Variants in ZNRF2 observed in about 807,000 individuals in gnomAD.
ZNRF2 encodes the protein E3 ubiquitin-protein ligase ZNRF2.
Under a neutral mutation model 20.4 loss-of-function variants are expected in ZNRF2, and 16 were observed. That is an observed-to-expected ratio of 0.79 (90% CI 0.53 to 1.19). The LOEUF (loss-of-function observed/expected upper bound fraction) is 1.19. Among genes scored for constraint, ZNRF2 ranks in the 50% most tolerant of loss-of-function variants. The pLI, the probability that ZNRF2 is intolerant of heterozygous loss-of-function variation, is 0.00. For missense variants in ZNRF2, 363 were observed against 332.4 expected, an observed-to-expected ratio of 1.09 and a Z score of -0.72; for synonymous variants, 178 against 144.9, an observed-to-expected ratio of 1.23 and a Z score of -1.64.
chr7:30,307,165 A>C (rs1039186281), intron 1 of ZNRF2, among the ~76,000 whole-genome samples: 1 of 151,486 alleles, frequency 6.6e-6, no homozygotes, highest in African/African-American at 2.4e-5. Flanking sequence ...CCAGGTTTTC[A>C]TTGTTGCCTT....
At chr7:30,330,157 TA>T (rs1270044086) in intron 2 of ZNRF2, among the ~76,000 whole-genome samples, 1 of 152,220 alleles carries the variant, frequency 6.6e-6, no homozygotes, top group African/African-American at 2.4e-5. Context: ...AAGATTTATT[TA>T]TATTTAAGGA....
chr7:30,329,901 G>C (rs1799610705), intron 2 of ZNRF2, among the ~76,000 whole-genome samples: 1 of 152,150 alleles, frequency 6.6e-6, no homozygotes, highest in Non-Finnish European at 1.5e-5. Context: ...CATAATGGCT[G>C]TACTAATTTA....
intron 2 of ZNRF2, among the ~76,000 whole-genome samples, chr7:30,332,042 T>C (rs1014153369): frequency 1.3e-5 from 2 of 152,184 alleles, no homozygotes; most frequent in Non-Finnish European, 2.9e-5. Context: ...TGCCCAAAAG[T>C]AGCACCAATT....
chr7:30,287,144 A>C (rs1798806753), intron 1 of ZNRF2, among the ~76,000 whole-genome samples: 1 of 152,210 alleles, frequency 6.6e-6, no homozygotes, highest in Admixed American at 6.5e-5. Flanking sequence ...GGCTATTTTT[A>C]AAAGTCATTT....
chr7:30,360,724 A>G (rs770148323), intron 3 of ZNRF2, among the ~76,000 whole-genome samples: 3 of 152,186 alleles, frequency 2.0e-5, no homozygotes, highest in Non-Finnish European at 4.4e-5. Context: ...TGTAAAAGCA[A>G]GAGACTTACT....
chr7:30,357,413 A>G (rs933401243), intron 3 of ZNRF2, among the ~76,000 whole-genome samples: 4 of 152,216 alleles, frequency 2.6e-5, no homozygotes, highest in African/African-American at 9.6e-5. Context: ...CATGGAATGA[A>G]GGAAATACTC....
chr7:30,339,901 G>A (rs1157059608), intron 2 of ZNRF2, among the ~76,000 whole-genome samples: 1 of 152,158 alleles, frequency 6.6e-6, no homozygotes, highest in Non-Finnish European at 1.5e-5. Context: ...ATTGAGCATG[G>A]AATGTTTTTC....
chr7:30,355,344 T>C (rs1300191950), intron 2 of ZNRF2, among the ~76,000 whole-genome samples: 1 of 152,104 alleles, frequency 6.6e-6, no homozygotes, highest in African/African-American at 2.4e-5. Flanking sequence ...TTTTCATGTC[T>C]TTTTAGCCAC....
At chr7:30,362,216 A>G (rs1449443910) in intron 3 of ZNRF2, among the ~76,000 whole-genome samples, 161 bp from the exon 4 acceptor site, 1 of 152,230 alleles carries the variant, frequency 6.6e-6, no homozygotes, top group Non-Finnish European at 1.5e-5. Context: ...ATCAAAATAT[A>G]ATAAACATTC....
Position 30,355,843 on chromosome 7 carries a change from C to A in ZNRF2, c.671+10C>A. The A allele has an allele frequency of 6.3e-7, 1 of 1,593,594 alleles. No individual in the cohort carries two copies. Among genetic ancestry groups the A allele is most frequent in the Non-Finnish European group, 8.6e-7 (1 of 1,162,906 alleles). ...GCATATATCATAAAGGGTAAGTTCA[C>A]CAAGTTGGTATTAGAGTAAAAGATT... On this transcript the variant is annotated intron_variant, in intron 3 of 4. Transcript: ENST00000323037.
intron 2 of ZNRF2, among the ~76,000 whole-genome samples, chr7:30,338,451 G>A (rs1194887509): frequency 5.2e-5 from 1 of 19,048 alleles, no homozygotes; most frequent in Non-Finnish European, 9.6e-5. Context: ...ACAGGCCCCA[G>A]TGTGTGATAT....
intron 1 of ZNRF2, among the ~76,000 whole-genome samples, chr7:30,292,626 G>A (rs1798931580): frequency 6.6e-6 from 1 of 152,016 alleles, no homozygotes; most frequent in African/African-American, 2.4e-5. Flanking sequence ...TTTAAATCGG[G>A]TTTTAAGGAT....
intron 2 of ZNRF2, among the ~76,000 whole-genome samples, chr7:30,342,041 A>G (rs1318744581): frequency 7.0e-6 from 1 of 143,264 alleles, no homozygotes; most frequent in Non-Finnish European, 1.5e-5. Context: ...AAGGATTTCA[A>G]CCCCTGCTTT....
At chr7:30,308,465 G>C (rs993335468) in intron 1 of ZNRF2, among the ~76,000 whole-genome samples, 17 of 152,176 alleles carry the variant, frequency 1.1e-4, no homozygotes, top group Non-Finnish European at 2.9e-5. Flanking sequence ...GGTGTCATCT[G>C]TGTGAGCTTG....
chr7:30,311,420 A>G (rs1232364444), intron 1 of ZNRF2, among the ~76,000 whole-genome samples: 1 of 152,242 alleles, frequency 6.6e-6, no homozygotes, highest in Non-Finnish European at 1.5e-5. Flanking sequence ...AACTACCAGC[A>G]AACCCAATAT....
At chr7:30,354,214 G>T (rs1171225758) in intron 2 of ZNRF2, among the ~76,000 whole-genome samples, 3 of 152,014 alleles carry the variant, frequency 2.0e-5, no homozygotes, top group African/African-American at 7.2e-5. Flanking sequence ...AACATTTTCC[G>T]TTTATCCAGC....
chr7:30,299,254 A>C (rs968522731), intron 1 of ZNRF2, among the ~76,000 whole-genome samples: 29 of 152,150 alleles, frequency 1.9e-4, no homozygotes, highest in Admixed American at 1.5e-3. Flanking sequence ...ATGGTGAAAC[A>C]CTGTCTCTAC....
rs569001274 is a variant in ZNRF2, at chr7:30,293,255, T to G, written c.469+7429T>G. Among the ~76,000 whole-genome samples, 540 of 151,872 alleles carry G rather than the reference T, an allele frequency of 3.6e-3. 3 individuals are homozygous for G. The highest frequency in any genetic ancestry group is 0.012 in the African/African-American group (511 of 41,418). On this transcript the variant is annotated intron_variant, in intron 1 of 4. Coordinates refer to ENST00000323037, the MANE Select transcript of ZNRF2 (RefSeq NM_147128.4). Reference sequence around the variant, plus strand: ...TGGTAAGCAAATTTTTACATTTTTTTTTTTTTTTTTTGGGATGGAGTCTTG... The same window carrying G: ...TGGTAAGCAAATTTTTACATTTTTTGTTTTTTTTTTTGGGATGGAGTCTTG...
intron 2 of ZNRF2, among the ~76,000 whole-genome samples, chr7:30,347,720 AT>A (rs776278233): frequency 7.9e-5 from 12 of 152,324 alleles, no homozygotes; most frequent in Admixed American, 4.6e-4. Context: ...CTCAAAAAAA[AT>A]AAAATAAAAC....
Sources: gnomAD v4.1 joint callset for allele counts (sites outside exome capture counted in the v4.1 genomes callset) on GRCh38, gnomAD v4.1.1 for gene constraint, MANE v1.5 for transcripts, NCBI Gene and HGNC (gene_info 2026-07-23, HGNC 2026-07-21) for gene names.